Variants in NTRK2 observed in about 807,000 individuals in gnomAD.
NTRK2 encodes the protein BDNF/NT-3 growth factors receptor.
Under a neutral mutation model 94.5 loss-of-function variants are expected in NTRK2, and 13 were observed. The observed-to-expected ratio is 0.14, with a 90% confidence interval of 0.09 to 0.22. The LOEUF (loss-of-function observed/expected upper bound fraction) is 0.22, where lower values mean the gene tolerates loss of function less well. Ranked by LOEUF, NTRK2 falls within the 10% of genes least tolerant of loss-of-function variation. NTRK2 has a pLI of 1.00. For missense variants in NTRK2, 639 were observed against 1,071.2 expected (o/e 0.60, Z 5.63); for synonymous variants, 372 against 407.4 (o/e 0.91, Z 1.05).
At chr9:84,712,737 A>G (rs928166249) in intron 6 of NTRK2, among the ~76,000 whole-genome samples, 4 of 152,204 alleles carry the variant, frequency 2.6e-5, no homozygotes, top group African/African-American at 7.2e-5. Context: ...TACATTACAC[A>G]TATGATGTTT....
At chr9:84,898,814 T>C (rs2076839459) in intron 14 of NTRK2, among the ~76,000 whole-genome samples, 1 of 152,156 alleles carries the variant, frequency 6.6e-6, no homozygotes, top group Admixed American at 6.5e-5. Flanking sequence ...GTGATTCTCC[T>C]GCCTCAGCCA....
chr9:84,713,640 T>C (rs2061540690), intron 6 of NTRK2, among the ~76,000 whole-genome samples: 1 of 152,188 alleles, frequency 6.6e-6, no homozygotes, highest in Non-Finnish European at 1.5e-5. Flanking sequence ...GAAATTGGCC[T>C]GTATTTTTTC....
chr9:84,756,648 G>T (rs1255553478), intron 12 of NTRK2, among the ~76,000 whole-genome samples: 2 of 152,208 alleles, frequency 1.3e-5, no homozygotes, highest in African/African-American at 2.4e-5. Flanking sequence ...ATGACCCTAA[G>T]AAATCTCTGT....
At chr9:84,784,118 A>G (rs1206946669) in intron 12 of NTRK2, among the ~76,000 whole-genome samples, 1 of 152,202 alleles carries the variant, frequency 6.6e-6, no homozygotes, top group African/African-American at 2.4e-5. Flanking sequence ...CCTGAGGGAA[A>G]GGCAGAGGGG....
At position 85,023,089 on chromosome 9, in the gene NTRK2, A is replaced by G; in HGVS notation, c.*1652A>G. On this transcript the variant is annotated 3_prime_UTR_variant, in exon 19 of 19. Transcript: ENST00000277120. ...AGCATGCCAACGGGAGGCTGTGCCC[A>G]GACCAAGCACTGGAAGTGTGCTTCT... 1 of 233,172 alleles carries G rather than the reference A, an allele frequency of 4.3e-6. No homozygotes were observed. The highest frequency in any genetic ancestry group is 8.5e-6 in the Non-Finnish European group (1 of 117,942). The allele number at this position is 233,172 out of a possible 1,614,324, so 14.4% of individuals were successfully genotyped here. A position where few individuals can be genotyped will look rare whatever the true frequency, so the allele number is the denominator to read the frequency against.
chr9:85,023,709 C>T lies in NTRK2; in HGVS notation c.*2272C>T, dbSNP rs995693639. ...TGTATCATATTAAGGACCCATGGTA[C>T]TCTTAAAACACTGTAGAACTCTGTG... On this transcript the variant is annotated 3_prime_UTR_variant, in exon 19 of 19. Transcript: ENST00000277120. 2.6e-5 allele frequency: 6 copies of T among 231,208 alleles called. No individual in the cohort carries two copies. Among genetic ancestry groups the T allele is most frequent in the African/African-American group, 1.3e-4 (6 of 45,170 alleles). The allele number at this position is 231,208 out of a possible 1,614,324, so 14.3% of individuals were successfully genotyped here. A position where few individuals can be genotyped will look rare whatever the true frequency, so the allele number is the denominator to read the frequency against.
intron 12 of NTRK2, among the ~76,000 whole-genome samples, chr9:84,820,894 A>C (rs2072770545): frequency 6.6e-6 from 1 of 152,208 alleles, no homozygotes; most frequent in East Asian, 1.9e-4. Flanking sequence ...TGACTTTTCC[A>C]AGGGCACACA....
At chr9:84,678,355 T>A (rs1015666703) in intron 2 of NTRK2, among the ~76,000 whole-genome samples, 3 of 152,230 alleles carry the variant, frequency 2.0e-5, no homozygotes, top group Non-Finnish European at 2.9e-5. Context: ...GATTCTTTGA[T>A]ATCTTCTCAA....
intron 17 of NTRK2, among the ~76,000 whole-genome samples, chr9:84,962,702 T>C (rs1055642900): frequency 6.6e-6 from 1 of 152,146 alleles, no homozygotes; most frequent in East Asian, 1.9e-4. Flanking sequence ...TTTGAAACAG[T>C]TGGGCCTCCG....
intron 2 of NTRK2, among the ~76,000 whole-genome samples, chr9:84,675,119 C>G (rs2058953434): frequency 6.6e-6 from 1 of 152,100 alleles, no homozygotes; most frequent in Admixed American, 6.5e-5. Context: ...CTGTTTGTGT[C>G]TGCTTCAATA....
At chr9:84,674,964 A>G (rs190846768) in intron 2 of NTRK2, among the ~76,000 whole-genome samples, 214 of 152,312 alleles carry the variant, frequency 1.4e-3, no homozygotes, top group Non-Finnish European at 1.0e-3. Context: ...CCTTATGGGA[A>G]TTCAGAATGC....
intron 14 of NTRK2, among the ~76,000 whole-genome samples, chr9:84,888,491 T>C (rs966867182): frequency 6.6e-6 from 1 of 151,312 alleles, no homozygotes; most frequent in Non-Finnish European, 1.5e-5. Flanking sequence ...CAGGCACCTG[T>C]AGTCCCAGCT....
chr9:84,770,762 A>G (rs2066469661), intron 12 of NTRK2, among the ~76,000 whole-genome samples: 1 of 152,190 alleles, frequency 6.6e-6, no homozygotes, highest in African/African-American at 2.4e-5. Flanking sequence ...TCCACGTTTC[A>G]TAATAATCTT....
At chr9:84,991,269 C>T (rs779570033) in intron 17 of NTRK2, among the ~76,000 whole-genome samples, 2 of 152,216 alleles carry the variant, frequency 1.3e-5, no homozygotes, top group African/African-American at 2.4e-5. Flanking sequence ...ATACATTTTA[C>T]TGAGTACATA....
chr9:84,692,959 A>G (rs1417868392), intron 2 of NTRK2, among the ~76,000 whole-genome samples: 1 of 152,176 alleles, frequency 6.6e-6, no homozygotes, highest in Non-Finnish European at 1.5e-5. Flanking sequence ...GAAAGATCGG[A>G]AGTTGCTCAA....
intron 14 of NTRK2, among the ~76,000 whole-genome samples, chr9:84,929,172 A>G (rs931091526): frequency 3.3e-5 from 5 of 152,224 alleles, no homozygotes; most frequent in African/African-American, 9.6e-5. Context: ...GGAGGAATCT[A>G]TACCAGAATT....
chr9:84,837,239 C>T lies in NTRK2; in HGVS notation c.1397-23801C>T, dbSNP rs560565766. Reference sequence around the variant, plus strand: ...TATTTTAGAGATGAGGAAACTGTTTCTGAGAGAAGTTAAGTGACCAAAGCT... The same window carrying T: ...TATTTTAGAGATGAGGAAACTGTTTTTGAGAGAAGTTAAGTGACCAAAGCT... On this transcript the variant is annotated intron_variant, in intron 12 of 18. Transcript: ENST00000277120. Among the ~76,000 whole-genome samples, 28 of 152,056 alleles carry T rather than the reference C, an allele frequency of 1.8e-4. 1 individual carries two copies. The highest frequency in any genetic ancestry group is 6.7e-4 in the African/African-American group (28 of 41,482).
At chr9:84,978,355 A>T (rs901863497) in intron 17 of NTRK2, among the ~76,000 whole-genome samples, 2 of 152,200 alleles carry the variant, frequency 1.3e-5, no homozygotes, top group African/African-American at 4.8e-5. Flanking sequence ...GATAGGGAGA[A>T]AGCTTCAGTG....
At chr9:84,676,895 C>T (rs1045723313) in intron 2 of NTRK2, among the ~76,000 whole-genome samples, 2 of 152,138 alleles carry the variant, frequency 1.3e-5, no homozygotes, top group Admixed American at 1.3e-4. Flanking sequence ...AGCTACTGAT[C>T]TGAAAGCAAT....
Sources: allele counts gnomAD v4.1 joint callset (sites outside exome capture counted in the v4.1 genomes callset), GRCh38; gene constraint gnomAD v4.1.1; transcripts MANE v1.5; gene names NCBI Gene and HGNC (gene_info 2026-07-23, HGNC 2026-07-21).